The following MTA1 variants were observed in gnomAD, a reference collection of about 807,000 sequenced individuals.
MTA1 encodes metastasis associated 1.
MTA1 carries 15 observed loss-of-function variants against 97.0 expected under a neutral mutation model. That is an observed-to-expected ratio of 0.15 (90% CI 0.10 to 0.24). The LOEUF (loss-of-function observed/expected upper bound fraction) is 0.24. MTA1 is among the 10% of genes least tolerant of loss of function. MTA1 has a pLI of 1.00. For missense variants in MTA1, 709 were observed against 1,015.1 expected, an observed-to-expected ratio of 0.70 and a Z score of 4.10; for synonymous variants, 435 against 417.5, an observed-to-expected ratio of 1.04 and a Z score of -0.51.
chr14:105,467,996 TG>T, intron 18 of MTA1: 1 of 292,764 alleles, frequency 3.4e-6, no homozygotes, highest in Non-Finnish European at 6.8e-6. Context: ...GCCGCCTGGC[TG>T]GGCGGGGCCC....
chr14:105,458,649 G>A (rs1379663149), intron 8 of MTA1, among the ~76,000 whole-genome samples: 5 of 152,150 alleles, frequency 3.3e-5, no homozygotes, highest in African/African-American at 7.2e-5. Flanking sequence ...ATGGGCCAGA[G>A]GTGCTTTCCC....
At chr14:105,437,490 C>T (rs979621266) in intron 1 of MTA1, among the ~76,000 whole-genome samples, 2 of 144,804 alleles carry the variant, frequency 1.4e-5, no homozygotes, top group Non-Finnish European at 3.0e-5. Context: ...CTCACGGGCA[C>T]GAGCCTGCAG....
Position 105,463,594 on chromosome 14 carries a change from C to A in MTA1, c.1076+43C>A, listed in dbSNP as rs782078923. 1.9e-6 allele frequency: 3 copies of A among 1,595,650 alleles called. No homozygotes were observed. Among genetic ancestry groups the A allele is most frequent in the Non-Finnish European group, 2.6e-6 (3 of 1,164,784 alleles). On this transcript the variant is annotated intron_variant, in intron 12 of 20. Transcript: ENST00000331320. The surrounding 1 kb of genome is among the most constrained non-coding windows in gnomAD (Gnocchi z 5.9). ...GCCGTCGTCCTCGTGGCCCCGGGGG[C>A]CAGGGAGGGTGGGCACAGGGTGCTG...
chr14:105,444,096 G>A (rs781939728), intron 2 of MTA1, among the ~76,000 whole-genome samples: 3 of 147,106 alleles, frequency 2.0e-5, no homozygotes, highest in South Asian at 2.1e-4. Context: ...TAAAAAGGCC[G>A]GGTGCGGTGG....
intron 1 of MTA1, among the ~76,000 whole-genome samples, chr14:105,421,907 C>A (rs587741761): frequency 2.5e-3 from 383 of 152,362 alleles, no homozygotes; most frequent in African/African-American, 8.3e-3. Flanking sequence ...CCACGCACTC[C>A]AGTGCTGTGA....
intron 6 of MTA1, among the ~76,000 whole-genome samples, chr14:105,451,623 C>T (rs1338113386): frequency 1.3e-5 from 2 of 152,108 alleles, no homozygotes; most frequent in South Asian, 2.1e-4. Context: ...AAAAAAGGCC[C>T]GTGAGGAAGC....
intron 1 of MTA1, among the ~76,000 whole-genome samples, chr14:105,423,995 G>A (rs1271639717): frequency 1.3e-5 from 2 of 152,234 alleles, no homozygotes; most frequent in South Asian, 2.1e-4. Context: ...AGACACGGCC[G>A]TCCTGTGAGC....
intron 1 of MTA1, among the ~76,000 whole-genome samples, chr14:105,429,997 TC>T (rs2082132868): frequency 1.3e-5 from 2 of 151,922 alleles, no homozygotes; most frequent in Non-Finnish European, 2.9e-5. Flanking sequence ...CCTCAAGTGA[TC>T]CACCTGCTTT....
intron 3 of MTA1, among the ~76,000 whole-genome samples, chr14:105,447,494 C>T (rs1312236932): frequency 1.1e-4 from 17 of 152,146 alleles, no homozygotes; most frequent in African/African-American, 3.4e-4. Context: ...GCTGGAAGAG[C>T]CCCAGAAGGG....
intron 1 of MTA1, among the ~76,000 whole-genome samples, chr14:105,426,861 C>T (rs765069384): frequency 4.2e-4 from 64 of 152,210 alleles, no homozygotes; most frequent in Non-Finnish European, 7.2e-4. Context: ...CATGGAGACC[C>T]GGCTCCTGGA....
intron 7 of MTA1, among the ~76,000 whole-genome samples, chr14:105,457,614 G>A (rs1460856214): frequency 6.6e-6 from 1 of 152,228 alleles, no homozygotes; most frequent in African/African-American, 2.4e-5. Flanking sequence ...AACAGCATGT[G>A]AACCCAAGTA....
intron 16 of MTA1, 154 bp from the exon 17 acceptor site, chr14:105,466,272 A>G (rs2083578343): frequency 1.5e-5 from 10 of 674,082 alleles, no homozygotes; most frequent in Admixed American, 1.3e-4. Context: ...TGACCTCCCC[A>G]CTTCCAGCCC....
intron 18 of MTA1, chr14:105,467,572 C>G: frequency 2.3e-6 from 1 of 442,504 alleles, no homozygotes; most frequent in Admixed American, 2.4e-5. Flanking sequence ...CCGGGCCCCC[C>G]ATCTCCACCT....
At position 105,452,165 on chromosome 14, in the gene MTA1, G is replaced by T. The variant is rs188150957; in HGVS notation, c.432+1841G>T. The stretch of plus-strand genomic sequence containing the variant: ...GAATTTAATGTAACAGGCTCAGGGT[G>T]AGTACACTTAGCACCTGGCAGAAGC... On this transcript the variant is annotated intron_variant, in intron 6 of 20. Transcript: ENST00000331320. Among the ~76,000 whole-genome samples the T allele has an allele frequency of 2.2e-4, 33 of 152,366 alleles. No individual in the cohort carries two copies. In the East Asian group the frequency reaches 3.7e-3, roughly 17 times the overall value.
intron 1 of MTA1, among the ~76,000 whole-genome samples, chr14:105,434,701 A>G (rs1483691983): frequency 1.3e-5 from 2 of 152,060 alleles, no homozygotes; most frequent in Non-Finnish European, 2.9e-5. Context: ...GGGTAGCTCC[A>G]TATTGGTCAG....
At position 105,450,086 on chromosome 14, in the gene MTA1, G is replaced by A. The variant is rs367571063; in HGVS notation, c.270G>A (p.Pro90=). The part of the protein sequence containing the change: ...EGEIEEEMEN[P]EMVDLPEKLK... ...AAATAGAAGAGGAAATGGAGAACCCGGAAATGGTGGACCTGCCCGAGAAAC... is the reference window on the plus strand; with the variant it reads ...AAATAGAAGAGGAAATGGAGAACCCAGAAATGGTGGACCTGCCCGAGAAAC... The change falls in exon 5 of 21, where the codon CCG becomes CCA. Residue 90 remains proline, a synonymous_variant. Transcript: ENST00000331320. 1.4e-5 allele frequency: 22 copies of A among 1,613,338 alleles called. No homozygotes were observed. Among genetic ancestry groups the A allele is most frequent in the African/African-American group, 1.1e-4 (8 of 74,910 alleles).
intron 6 of MTA1, 56 bp from the exon 7 acceptor site, chr14:105,454,137 C>A: frequency 7.1e-7 from 1 of 1,399,324 alleles, no homozygotes; most frequent in Non-Finnish European, 1.0e-6. Context: ...GCCTCTCTGA[C>A]CCTCCCAGCA....
chr14:105,468,036 A>C, intron 18 of MTA1: 1 of 326,596 alleles, frequency 3.1e-6, no homozygotes, highest in Non-Finnish European at 6.1e-6. Flanking sequence ...CCACAGAGGA[A>C]GCGCCTGTCC....
At chr14:105,437,387 G>A (rs9743822) in intron 1 of MTA1, among the ~76,000 whole-genome samples, 125,915 of 145,958 alleles carry the variant, frequency 0.86, 56,659 homozygotes, top group Non-Finnish European at 0.99. Context: ...GTGTCCTCAT[G>A]GGAGTGTCCT....
Sources: allele counts gnomAD v4.1 joint callset (sites outside exome capture counted in the v4.1 genomes callset), GRCh38; gene constraint gnomAD v4.1.1; non-coding constraint Gnocchi (gnomAD v3.1); transcripts MANE v1.5; gene names NCBI Gene and HGNC (gene_info 2026-07-23, HGNC 2026-07-21).